Variants in RABGAP1L observed in about 807,000 individuals in gnomAD.
RABGAP1L encodes RAB GTPase activating protein 1 like, also known as rab GTPase-activating protein 1-like.
A neutral mutation model predicts 137.7 loss-of-function variants in RABGAP1L; 63 were observed. The ratio of observed to expected loss-of-function variants is 0.46; its 90% CI spans 0.37 to 0.56. The LOEUF (loss-of-function observed/expected upper bound fraction) is 0.56, where lower values mean the gene tolerates loss of function less well. RABGAP1L is among the 20% of genes least tolerant of loss of function. RABGAP1L has a pLI of 0.00. For synonymous variants in RABGAP1L, 431 were observed against 433.7 expected, an observed-to-expected ratio of 0.99 and a Z score of 0.08; for missense variants, 1,095 against 1,244.0, an observed-to-expected ratio of 0.88 and a Z score of 1.80.
chr1:174,602,467 A>T (rs1020437111), intron 13 of RABGAP1L, among the ~76,000 whole-genome samples: 1 of 152,208 alleles, frequency 6.6e-6, no homozygotes, highest in Admixed American at 6.5e-5. Context: ...CCATGATTCA[A>T]TTACCTCCAC....
At chr1:174,299,232 A>G (rs1677425235) in intron 10 of RABGAP1L, among the ~76,000 whole-genome samples, 1 of 152,216 alleles carries the variant, frequency 6.6e-6, no homozygotes. Flanking sequence ...TCTGAGCCTA[A>G]TCATGGGTTT....
chr1:174,339,183 A>G (rs557928772), intron 11 of RABGAP1L, among the ~76,000 whole-genome samples: 2 of 152,326 alleles, frequency 1.3e-5, no homozygotes, highest in South Asian at 2.1e-4. Flanking sequence ...GCGTATTTCT[A>G]GTAGAAAATA....
At chr1:174,222,128 C>T (rs892070795) in intron 3 of RABGAP1L, among the ~76,000 whole-genome samples, 1 of 152,078 alleles carries the variant, frequency 6.6e-6, no homozygotes, top group Admixed American at 6.5e-5. Flanking sequence ...TTGCACCCAT[C>T]CCTGGCCTGT....
chr1:174,344,861 G>A (rs1317825953), intron 11 of RABGAP1L, among the ~76,000 whole-genome samples: 1 of 152,076 alleles, frequency 6.6e-6, no homozygotes, highest in Non-Finnish European at 1.5e-5. Context: ...ATAAATTGTT[G>A]CCCAGACCAA....
At chr1:174,165,359 C>G (rs577675807) in intron 1 of RABGAP1L, among the ~76,000 whole-genome samples, 1 of 152,020 alleles carries the variant, frequency 6.6e-6, no homozygotes, top group African/African-American at 2.4e-5. Flanking sequence ...CATGTTGGCC[C>G]GGCTGGTTTT....
At chr1:174,773,880 A>G (rs1378672203) in intron 18 of RABGAP1L, among the ~76,000 whole-genome samples, 6 of 152,240 alleles carry the variant, frequency 3.9e-5, no homozygotes, top group Non-Finnish European at 8.8e-5. Context: ...GCTGATCATA[A>G]GGAGCTATTA....
rs1672255947 is a variant in RABGAP1L at position 174,994,533 on chromosome 1, T to C, written c.*4532T>C. Reference sequence around the variant, plus strand: ...GTTATTTTCCTTTTTCATTGGCAATTAGTTAACATGTAAAATCTTTTCCAT... The same window carrying C: ...GTTATTTTCCTTTTTCATTGGCAATCAGTTAACATGTAAAATCTTTTCCAT... On this transcript the variant is annotated 3_prime_UTR_variant, in exon 26 of 26. Transcript: ENST00000681986. 6.6e-6 allele frequency: 1 copy of C among 152,234 alleles called. No individual in the cohort carries two copies. Among genetic ancestry groups the C allele is most frequent in the African/African-American group, 2.4e-5 (1 of 41,452 alleles). 9.4% of individuals were successfully genotyped at this position (152,234 alleles called of 1,614,324 possible).
At chr1:174,751,083 T>C (rs1457700788) in intron 17 of RABGAP1L, among the ~76,000 whole-genome samples, 1 of 152,198 alleles carries the variant, frequency 6.6e-6, no homozygotes, top group African/African-American at 2.4e-5. Context: ...CATTTGTTTT[T>C]ATCTCCTGGC....
intron 11 of RABGAP1L, among the ~76,000 whole-genome samples, chr1:174,321,447 C>A (rs994305337): frequency 3.9e-5 from 6 of 152,086 alleles, no homozygotes; most frequent in Middle Eastern, 3.2e-3. Flanking sequence ...TGGGGGGCAT[C>A]ATGGAAACTG....
At chr1:174,229,735 A>G (rs1225513188) in intron 3 of RABGAP1L, among the ~76,000 whole-genome samples, 3 of 152,186 alleles carry the variant, frequency 2.0e-5, no homozygotes, top group Non-Finnish European at 2.9e-5. Flanking sequence ...ATACATGTGC[A>G]TGTGTCTTTA....
chr1:174,803,156 T>A (rs1688916698), intron 18 of RABGAP1L, among the ~76,000 whole-genome samples: 2 of 152,240 alleles, frequency 1.3e-5, no homozygotes, highest in Admixed American at 1.3e-4. Context: ...GCCTTATTAC[T>A]TATTGTTCCC....
intron 20 of RABGAP1L, among the ~76,000 whole-genome samples, chr1:174,962,924 C>T (rs564317671): frequency 2.6e-5 from 4 of 151,712 alleles, no homozygotes; most frequent in Non-Finnish European, 4.4e-5. Flanking sequence ...ATGGTAAAAC[C>T]CTGTCTCTAC....
chr1:174,350,071 G>A (rs1464163281), intron 11 of RABGAP1L, among the ~76,000 whole-genome samples: 53 of 134,248 alleles, frequency 3.9e-4, no homozygotes, highest in African/African-American at 1.3e-3. Context: ...GGACGGGGCG[G>A]CTGGCTGGGC....
At chr1:174,808,856 C>T (rs1053968473) in intron 18 of RABGAP1L, among the ~76,000 whole-genome samples, 45 of 152,076 alleles carry the variant, frequency 3.0e-4, no homozygotes, top group Middle Eastern at 3.4e-3. Flanking sequence ...GGAGTTTCAC[C>T]GTGTTGGTCA....
chr1:174,765,045 C>T (rs1685558398), intron 18 of RABGAP1L, among the ~76,000 whole-genome samples: 1 of 152,106 alleles, frequency 6.6e-6, no homozygotes, highest in African/African-American at 2.4e-5. Flanking sequence ...CTCATCTGTC[C>T]GTGTCAATCT....
At position 174,313,427 on chromosome 1, in the gene RABGAP1L, C is replaced by A. The variant is rs116291829; in HGVS notation, c.1465+8300C>A. 3.0e-3 allele frequency among the ~76,000 whole-genome samples: 451 copies of A among 152,272 alleles called. 2 individuals carry two copies. Among genetic ancestry groups the A allele is most frequent in the African/African-American group, 5.6e-3 (231 of 41,558 alleles). Reference sequence around the variant, plus strand: ...TCTGCAAAAAAGGATAATTTGACTTCTTTCTTTCCAATTTGGATGCCCTTT... The same window carrying A: ...TCTGCAAAAAAGGATAATTTGACTTATTTCTTTCCAATTTGGATGCCCTTT... On this transcript the variant is annotated intron_variant, in intron 11 of 25. Coordinates refer to ENST00000681986, the MANE Select transcript of RABGAP1L (RefSeq NM_001366446.1).
intron 17 of RABGAP1L, among the ~76,000 whole-genome samples, chr1:174,707,591 G>A (rs1160449375): frequency 6.6e-6 from 1 of 152,148 alleles, no homozygotes; most frequent in African/African-American, 2.4e-5. Context: ...TGTGTAATGA[G>A]ACTAACAATA....
rs1329122715 is a variant in RABGAP1L at position 174,365,243 on chromosome 1, A to T, written c.1466-5736A>T. The T allele has an allele frequency of 3.3e-5, 5 of 152,164 alleles. No individual in the cohort carries two copies. The South Asian group carries it at 8.3e-4, about 25-fold the overall frequency. 9.4% of individuals were successfully genotyped at this position (152,164 alleles called of 1,614,324 possible). A position where few individuals can be genotyped will look rare whatever the true frequency, so the allele number is the denominator to read the frequency against. ...CTGTTTTCCAACACTGTTTATGTCA[A>T]ATTGTAGGAGAACACCCGTTGGAAC... On this transcript the variant is annotated intron_variant, in intron 11 of 25. Transcript: ENST00000681986.
chr1:174,272,536 G>C (rs1322836996), intron 8 of RABGAP1L, 56 bp downstream of exon 8: 2 of 1,416,418 alleles, frequency 1.4e-6, no homozygotes, highest in African/African-American at 3.0e-5. Context: ...TTTTATATTT[G>C]ACAAGTATTT....
Sources: allele counts gnomAD v4.1 joint callset (sites outside exome capture counted in the v4.1 genomes callset), GRCh38; gene constraint gnomAD v4.1.1; transcripts MANE v1.5; gene names NCBI Gene and HGNC (gene_info 2026-07-23, HGNC 2026-07-21).